Variants in HPCAL1 observed in about 807,000 individuals in gnomAD.
The protein encoded by HPCAL1 is hippocalcin like 1.
HPCAL1 carries 8 observed loss-of-function variants against 17.1 expected under a neutral mutation model. The observed-to-expected ratio is 0.47, with a 90% CI of 0.27 to 0.84. The LOEUF (loss-of-function observed/expected upper bound fraction) is 0.84. HPCAL1 is among the 40% of genes least tolerant of loss of function. The pLI is 0.13. For synonymous variants in HPCAL1, 112 were observed against 111.4 expected, an observed-to-expected ratio of 1.01 and a Z score of -0.03; for missense variants, 165 against 271.1, an observed-to-expected ratio of 0.61 and a Z score of 2.75.
chr2:10,344,171 A>ATCTCGAAG lies in HPCAL1; in HGVS notation c.-111+41000_-111+41007dup, dbSNP rs1162704155. ...TGAACTCATTAACCCTACAGCTTTGATCTCGAAGTCTCGGCCGCTCCTGGC... is the reference window on the plus strand; with the variant it reads ...TGAACTCATTAACCCTACAGCTTTGATCTCGAAGTCTCGAAGTCTCGGCCGCTCCTGGC... On this transcript the variant is annotated intron_variant, in intron 1 of 4. Transcript: ENST00000307845. The surrounding 1 kb of genome is among the most constrained non-coding windows in gnomAD (Gnocchi z 4.9). Among the ~76,000 whole-genome samples the ATCTCGAAG allele has an allele frequency of 6.6e-6, 1 of 152,224 alleles. No individual in the cohort carries two copies. The highest frequency in any genetic ancestry group is 1.5e-5 in the Non-Finnish European group (1 of 68,038).
intron 2 of HPCAL1, among the ~76,000 whole-genome samples, chr2:10,407,002 A>T (rs1247379120): frequency 6.6e-6 from 1 of 151,970 alleles, no homozygotes; most frequent in African/African-American, 2.4e-5. Flanking sequence ...CCAAAGACTC[A>T]AGCTGGAGTG....
intron 1 of HPCAL1, among the ~76,000 whole-genome samples, chr2:10,376,748 T>G (rs1223886726): frequency 6.6e-6 from 1 of 152,130 alleles, no homozygotes; most frequent in East Asian, 1.9e-4. Context: ...TTATATCTCT[T>G]GACTGTCACA....
At chr2:10,422,897 G>T in intron 3 of HPCAL1, 86 bp from the exon 4 acceptor site, 1 of 925,190 alleles carries the variant, frequency 1.1e-6, no homozygotes, top group South Asian at 1.5e-5. Flanking sequence ...TCCGAGCCTT[G>T]TTGTGGGCTG....
rs189323601 is a variant in HPCAL1, at chr2:10,332,455, T to A, written c.-111+29278T>A. Among the ~76,000 whole-genome samples, 23 of 152,252 alleles carry A rather than the reference T, an allele frequency of 1.5e-4. No individual in the cohort carries two copies. In the East Asian group the frequency reaches 4.1e-3, roughly 27 times the overall value. On this transcript the variant is annotated intron_variant, in intron 1 of 4. Transcript: ENST00000307845. ...GAAGCCCCTCGGTGCCCCCTGCCCC[T>A]TATCTAGAACAGCTTCTGCCTAGGG...
chr2:10,405,184 C>T (rs1669893072), intron 2 of HPCAL1, among the ~76,000 whole-genome samples: 1 of 152,264 alleles, frequency 6.6e-6, no homozygotes, highest in Admixed American at 6.5e-5. Flanking sequence ...GGAGACGGGG[C>T]AGGCTGGGCA....
intron 2 of HPCAL1, among the ~76,000 whole-genome samples, chr2:10,416,256 G>T (rs1221892407): frequency 1.3e-5 from 2 of 152,248 alleles, no homozygotes; most frequent in Non-Finnish European, 2.9e-5. Flanking sequence ...GGCGGGCCAT[G>T]ATTCAACCCA....
At chr2:10,400,466 G>A (rs1403019013) in intron 2 of HPCAL1, among the ~76,000 whole-genome samples, 1 of 152,232 alleles carries the variant, frequency 6.6e-6, no homozygotes, top group African/African-American at 2.4e-5. Flanking sequence ...CAGGACCCCA[G>A]GCTTGCCTCC....
chr2:10,328,294 A>G (rs1430243377), intron 1 of HPCAL1, among the ~76,000 whole-genome samples: 1 of 152,166 alleles, frequency 6.6e-6, no homozygotes, highest in Non-Finnish European at 1.5e-5. Flanking sequence ...ATGCATCTGA[A>G]CCCCAACCTG....
In HPCAL1 at chr2:10,378,417, C is replaced by T. The variant is rs559170816; in HGVS notation, c.-110-18418C>T. ...GCTGCCATAACAAAGCTCCATGGACCGGGCCGCCTAAATGCAGACACATAC... is the reference window on the plus strand; with the variant it reads ...GCTGCCATAACAAAGCTCCATGGACTGGGCCGCCTAAATGCAGACACATAC... On this transcript the variant is annotated intron_variant, in intron 1 of 4. Transcript: ENST00000307845. Among the ~76,000 whole-genome samples, 307 of 151,996 alleles carry T rather than the reference C, an allele frequency of 2.0e-3. 1 individual carries two copies. Among genetic ancestry groups the T allele is most frequent in the African/African-American group, 6.9e-3 (284 of 41,452 alleles).
At chr2:10,397,934 A>G (rs1440790147) in intron 2 of HPCAL1, among the ~76,000 whole-genome samples, 2 of 152,196 alleles carry the variant, frequency 1.3e-5, no homozygotes, top group Non-Finnish European at 2.9e-5. Context: ...AAGGTTGATA[A>G]AAACACCCTC....
intron 2 of HPCAL1, among the ~76,000 whole-genome samples, chr2:10,404,268 C>G (rs1050758416): frequency 6.6e-6 from 1 of 152,168 alleles, no homozygotes; most frequent in African/African-American, 2.4e-5. Context: ...GGCCTCCTCC[C>G]CAGCTGTGTC....
In HPCAL1 at chr2:10,365,858, C is replaced by T. The variant is rs1666814807; in HGVS notation, c.-110-30977C>T. Among the ~76,000 whole-genome samples, 1 of 152,122 alleles carries T rather than the reference C, an allele frequency of 6.6e-6. No individual in the cohort carries two copies. Among genetic ancestry groups the T allele is most frequent in the Non-Finnish European group, 1.5e-5 (1 of 68,024 alleles). ...CTCTTGCTGCCTCTCTGTGAGCGAG[C>T]CTCGCCTGCTGGGTGCTGAGCCCAC... On this transcript the variant is annotated intron_variant, in intron 1 of 4. Coordinates refer to ENST00000307845, the MANE Select transcript of HPCAL1 (RefSeq NM_002149.4). The surrounding 1 kb of genome is among the most constrained non-coding windows in gnomAD (Gnocchi z 4.8).
chr2:10,400,772 T>TAC (rs56003766), intron 2 of HPCAL1, among the ~76,000 whole-genome samples: 58,441 of 151,770 alleles, frequency 0.39, 11,591 homozygotes, highest in African/African-American at 0.49. Flanking sequence ...CATGCACACA[T>TAC]ACACACACGC....
In HPCAL1 at chr2:10,419,817, G is replaced by C. The variant is rs778908511; in HGVS notation, c.60G>C (p.Thr20=). 9 of 1,613,706 alleles carry C rather than the reference G, an allele frequency of 5.6e-6. No homozygotes were observed. Among genetic ancestry groups the C allele is most frequent in the African/African-American group, 1.3e-5 (1 of 75,044 alleles). Residue 20 remains threonine (T), a synonymous_variant, in exon 3 of 5, where the codon ACG becomes ACC. Transcript: ENST00000307845. This position sits in a 1 kb window ranked among gnomAD's most constrained non-coding sequence, Gnocchi z 5.0. ...TGCTGCAGGACCTGCGGGAGAACAC[G>C]GAGTTCACCGACCACGAGCTGCAGG... ...PEVLQDLREN[T]EFTDHELQEW...
At chr2:10,412,012 A>AT (rs1670391720) in intron 2 of HPCAL1, among the ~76,000 whole-genome samples, 1 of 152,188 alleles carries the variant, frequency 6.6e-6, no homozygotes, top group Non-Finnish European at 1.5e-5. Context: ...GCTGAGTCGC[A>AT]GTACAGGGTT....
intron 1 of HPCAL1, among the ~76,000 whole-genome samples, chr2:10,352,648 C>T (rs951444307): frequency 1.3e-5 from 2 of 152,226 alleles, no homozygotes; most frequent in Non-Finnish European, 2.9e-5. Context: ...AGCTCTCCTT[C>T]GCATGGGTGT....
intron 2 of HPCAL1, among the ~76,000 whole-genome samples, chr2:10,408,272 C>G (rs918149819): frequency 1.3e-5 from 2 of 151,940 alleles, no homozygotes; most frequent in Non-Finnish European, 2.9e-5. Flanking sequence ...GTCTCTCTCT[C>G]TCTCTCTTCT....
intron 1 of HPCAL1, among the ~76,000 whole-genome samples, chr2:10,312,632 C>T (rs537825916): frequency 1.5e-4 from 22 of 150,914 alleles, no homozygotes; most frequent in Middle Eastern, 3.5e-3. Flanking sequence ...TCACCATCAC[C>T]ATCATTATCA....
At chr2:10,387,960 G>A (rs746897688) in intron 1 of HPCAL1, among the ~76,000 whole-genome samples, 2 of 152,122 alleles carry the variant, frequency 1.3e-5, no homozygotes, top group Admixed American at 6.5e-5. Context: ...CTGTGTGTTC[G>A]GCAGGTGAAT....
Sources: gnomAD v4.1 joint callset for allele counts (sites outside exome capture counted in the v4.1 genomes callset) on GRCh38, gnomAD v4.1.1 for gene constraint, Gnocchi (gnomAD v3.1) non-coding constraint, MANE v1.5 for transcripts, NCBI Gene and HGNC (gene_info 2026-07-23, HGNC 2026-07-21) for gene names.